TBX4: variants seen among roughly 807,000 people sequenced by gnomAD.
TBX4 encodes the protein T-box transcription factor 4.
A neutral mutation model predicts 54.6 loss-of-function variants in TBX4; 13 were observed. The observed-to-expected ratio is 0.24, with a 90% CI of 0.15 to 0.38. The LOEUF (loss-of-function observed/expected upper bound fraction) is 0.38, where lower values mean the gene tolerates loss of function less well. Ranked by LOEUF, TBX4 falls within the 10% of genes least tolerant of loss-of-function variation. The pLI is 1.00. For missense variants in TBX4, 631 were observed against 728.5 expected, an observed-to-expected ratio of 0.87 and a Z score of 1.54; for synonymous variants, 314 against 306.7, an observed-to-expected ratio of 1.02 and a Z score of -0.25.
rs2060644050 is a variant in TBX4, at chr17:61,479,125, G to GT, written c.702+346_702+347insT. Among the ~76,000 whole-genome samples, 1 of 152,156 alleles carries GT rather than the reference G, an allele frequency of 6.6e-6. No homozygotes were observed. Among genetic ancestry groups the GT allele is most frequent in the Admixed American group, 6.5e-5 (1 of 15,280 alleles). On this transcript the variant is annotated intron_variant, in intron 6 of 8. Transcript: ENST00000644296. The surrounding 1 kb of genome is among the most constrained non-coding windows in gnomAD (Gnocchi z 6.1). The stretch of plus-strand genomic sequence containing the variant: ...TGTTCTTTCTCCTGGTTCATCTCCT[G>GT]GTGCCTTCAGAGACAGGGGTAGGGA...
At chr17:61,470,304 G>C (rs545204142) in intron 5 of TBX4, among the ~76,000 whole-genome samples, 2 of 152,152 alleles carry the variant, frequency 1.3e-5, no homozygotes, top group Non-Finnish European at 2.9e-5. Context: ...TGTCGGGGAG[G>C]GGGTGTGGAA....
At chr17:61,477,851 G>A (rs1192015875) in intron 5 of TBX4, among the ~76,000 whole-genome samples, 3 of 148,066 alleles carry the variant, frequency 2.0e-5, no homozygotes, top group African/African-American at 7.5e-5. Context: ...TGAGGTACGA[G>A]AATCGCTTGA....
rs1197678227 is a variant in TBX4, at chr17:61,462,664, C to T, written c.282-3155C>T. 6.6e-6 allele frequency among the ~76,000 whole-genome samples: 1 copy of T among 152,194 alleles called. No homozygotes were observed. Among genetic ancestry groups the T allele is most frequent in the Non-Finnish European group, 1.5e-5 (1 of 68,012 alleles). Reference sequence around the variant, plus strand: ...CCGCCAGCGCTGGTGGCAGGGCCTGCGTGGACACAGGCGGCACACACAGTG... The same window carrying T: ...CCGCCAGCGCTGGTGGCAGGGCCTGTGTGGACACAGGCGGCACACACAGTG... On this transcript the variant is annotated intron_variant, in intron 3 of 8. Coordinates refer to ENST00000644296, the MANE Select transcript of TBX4 (RefSeq NM_001321120.2). The surrounding 1 kb of genome is among the most constrained non-coding windows in gnomAD (Gnocchi z 4.5).
Position 61,479,749 on chromosome 17 carries a change from T to C in TBX4, c.703-132T>C. ...CCACCCTCCTCCCCAAGGAGGGTAG[T>C]GAGAAGCGGTGAGGCTGGAGAGCGA... is the stretch of plus-strand genomic sequence containing the variant. On this transcript the variant is annotated intron_variant, in intron 6 of 8. Transcript: ENST00000644296. This position sits in a 1 kb window ranked among gnomAD's most constrained non-coding sequence, Gnocchi z 6.1. 1 of 914,400 alleles carries C rather than the reference T, an allele frequency of 1.1e-6. No individual in the cohort carries two copies. Among genetic ancestry groups the C allele is most frequent in the Non-Finnish European group, 1.8e-6 (1 of 559,016 alleles). 56.6% of individuals were successfully genotyped at this position (914,400 alleles called of 1,614,324 possible).
At chr17:61,453,485 TA>T (rs1417822382) in intron 1 of TBX4, among the ~76,000 whole-genome samples, 4 of 152,168 alleles carry the variant, frequency 2.6e-5, no homozygotes, top group Admixed American at 2.0e-4. Flanking sequence ...AATAGTAATA[TA>T]AATAAAGACA....
rs2060483397 is a variant in TBX4, at chr17:61,459,981, C to T, written c.281+2350C>T. On this transcript the variant is annotated intron_variant, in intron 3 of 8. Transcript: ENST00000644296. This position sits in a 1 kb window ranked among gnomAD's most constrained non-coding sequence, Gnocchi z 4.8. ...CTGTCCAGTGCCTCTCCCTGCTCCCCAAATTCTGTGTGCCTCTACTGGAAC... is the reference window on the plus strand; with the variant it reads ...CTGTCCAGTGCCTCTCCCTGCTCCCTAAATTCTGTGTGCCTCTACTGGAAC... Among the ~76,000 whole-genome samples the T allele has an allele frequency of 6.6e-6, 1 of 152,112 alleles. No homozygotes were observed. The highest frequency in any genetic ancestry group is 1.5e-5 in the Non-Finnish European group (1 of 68,024).
chr17:61,467,484 C>A, intron 4 of TBX4, 26 bp from the exon 5 acceptor site: 1 of 1,614,188 alleles, frequency 6.2e-7, no homozygotes, highest in East Asian at 2.2e-5. Flanking sequence ...GGAGTAATCA[C>A]CTGCTCTTAT....
Position 61,480,405 on chromosome 17 carries a change from C to A in TBX4, c.1021+86C>A, listed in dbSNP as rs903489958. On this transcript the variant is annotated intron_variant, in intron 8 of 8. Coordinates refer to ENST00000644296, the MANE Select transcript of TBX4 (RefSeq NM_001321120.2). This position sits in a 1 kb window ranked among gnomAD's most constrained non-coding sequence, Gnocchi z 6.2. ...AACCACTCTGCAGCGCCCCCCCCCC[C>A]AACACACACACACTCATCTCGTGCT... is the stretch of plus-strand genomic sequence containing the variant. 16 of 993,166 alleles carry A rather than the reference C, an allele frequency of 1.6e-5. No individual in the cohort carries two copies. Among genetic ancestry groups the A allele is most frequent in the Middle Eastern group, 2.9e-4 (1 of 3,468 alleles). 61.5% of individuals were successfully genotyped at this position (993,166 alleles called of 1,614,324 possible). A position where few individuals can be genotyped will look rare whatever the true frequency, so the allele number is the denominator to read the frequency against.
Position 61,475,054 on chromosome 17 carries a change from C to T in TBX4, c.550-3573C>T, listed in dbSNP as rs2060610173. Among the ~76,000 whole-genome samples, 1 of 152,348 alleles carries T rather than the reference C, an allele frequency of 6.6e-6. No homozygotes were observed. The highest frequency in any genetic ancestry group is 2.4e-5 in the African/African-American group (1 of 41,570). On this transcript the variant is annotated intron_variant, in intron 5 of 8. Transcript: ENST00000644296. This position sits in a 1 kb window ranked among gnomAD's most constrained non-coding sequence, Gnocchi z 5.0. ...CGCTGGTGAACAGAGATCATGACGG[C>T]GTCTGCACCCTTCTTGACTTCTCTA...
rs1454449043 is a variant in TBX4, at chr17:61,472,969, A to C, written c.549+5312A>C. On this transcript the variant is annotated intron_variant, in intron 5 of 8. Coordinates refer to ENST00000644296, the MANE Select transcript of TBX4 (RefSeq NM_001321120.2). This position sits in a 1 kb window ranked among gnomAD's most constrained non-coding sequence, Gnocchi z 4.5. ...TGGATAATAGGTTTTAGTGTTTGGC[A>C]GGACTGGGCCTCCTTGATCTTCTTC... 1.3e-5 allele frequency among the ~76,000 whole-genome samples: 2 copies of C among 152,196 alleles called. No individual in the cohort carries two copies. Among genetic ancestry groups the C allele is most frequent in the African/African-American group, 4.8e-5 (2 of 41,452 alleles).
At chr17:61,456,308 G>C in intron 1 of TBX4, 180 bp from the exon 2 acceptor site, 1 of 728,700 alleles carries the variant, frequency 1.4e-6, no homozygotes, top group Non-Finnish European at 2.4e-6. Context: ...CTGAAGGGAG[G>C]AGGCGAGGGA....
intron 1 of TBX4, 81 bp from the exon 2 acceptor site, chr17:61,456,407 C>CCGGAAT: frequency 1.4e-5 from 21 of 1,526,002 alleles, no homozygotes; most frequent in Non-Finnish European, 1.9e-5. Flanking sequence ...GCACGAAGTC[C>CCGGAAT]CGGAATCGGC....
rs948768423 is a variant in TBX4 at position 61,472,987 on chromosome 17, T to C, written c.549+5330T>C. ...GTTTGGCAGGACTGGGCCTCCTTGA[T>C]CTTCTTCAGAGTTTTCTTGGCTAGT... On this transcript the variant is annotated intron_variant, in intron 5 of 8. Transcript: ENST00000644296. This position sits in a 1 kb window ranked among gnomAD's most constrained non-coding sequence, Gnocchi z 4.5. 1.6e-4 allele frequency among the ~76,000 whole-genome samples: 24 copies of C among 152,222 alleles called. No individual in the cohort carries two copies. Among genetic ancestry groups the C allele is most frequent in the Admixed American group, 1.6e-3 (24 of 15,280 alleles).
At position 61,481,287 on chromosome 17, in the gene TBX4, A is replaced by G. The variant is rs1054847728; in HGVS notation, c.1021+968A>G. The G allele has an allele frequency of 6.6e-6, 1 of 152,236 alleles. No homozygotes were observed. The highest frequency in any genetic ancestry group is 1.5e-5 in the Non-Finnish European group (1 of 68,038). 9.4% of individuals were successfully genotyped at this position (152,236 alleles called of 1,614,324 possible). On this transcript the variant is annotated intron_variant, in intron 8 of 8. Coordinates refer to ENST00000644296, the MANE Select transcript of TBX4 (RefSeq NM_001321120.2). This position sits in a 1 kb window ranked among gnomAD's most constrained non-coding sequence, Gnocchi z 4.8. ...GAAATTAAAGTTTTAGTGTCCATAA[A>G]GTTTTATTGGAACACAGCCATACCC...
intron 1 of TBX4, among the ~76,000 whole-genome samples, chr17:61,454,364 G>T (rs1480312024): frequency 6.6e-6 from 1 of 152,284 alleles, no homozygotes; most frequent in Non-Finnish European, 1.5e-5. Flanking sequence ...AGACCCCATC[G>T]CAAAGGCAGC....
In TBX4 at chr17:61,461,031, G is replaced by A. The variant is rs912732682; in HGVS notation, c.281+3400G>A. On this transcript the variant is annotated intron_variant, in intron 3 of 8. Coordinates refer to ENST00000644296, the MANE Select transcript of TBX4 (RefSeq NM_001321120.2). The surrounding 1 kb of genome is among the most constrained non-coding windows in gnomAD (Gnocchi z 5.1). ...ATACAGAGCGTCAGAGCCCAGTGGC[G>A]TGGATGATAAGAGAAGTAAGGGTTG... Among the ~76,000 whole-genome samples the A allele has an allele frequency of 2.6e-5, 4 of 152,228 alleles. No individual in the cohort carries two copies. The highest frequency in any genetic ancestry group is 5.9e-5 in the Non-Finnish European group (4 of 68,048).
chr17:61,483,722 A>G lies in TBX4; in HGVS notation c.*206A>G, dbSNP rs1409731655. Reference sequence around the variant, plus strand: ...ATACAACTGAGGTCATGACAAGGAAAAAAAACACCACATTTATCTAAGAAG... The same window carrying G: ...ATACAACTGAGGTCATGACAAGGAAGAAAAACACCACATTTATCTAAGAAG... On this transcript the variant is annotated 3_prime_UTR_variant, in exon 9 of 9. Coordinates refer to ENST00000644296, the MANE Select transcript of TBX4 (RefSeq NM_001321120.2). The surrounding 1 kb of genome is among the most constrained non-coding windows in gnomAD (Gnocchi z 6.6). 3.1e-6 allele frequency: 2 copies of G among 655,148 alleles called. No homozygotes were observed. The highest frequency in any genetic ancestry group is 5.2e-6 in the Non-Finnish European group (2 of 386,058). 40.6% of individuals were successfully genotyped at this position (655,148 alleles called of 1,614,324 possible).
intron 1 of TBX4, among the ~76,000 whole-genome samples, chr17:61,454,364 G>A (rs1480312024): frequency 5.2e-5 from 8 of 152,402 alleles, no homozygotes; most frequent in African/African-American, 1.9e-4. Flanking sequence ...AGACCCCATC[G>A]CAAAGGCAGC....
chr17:61,460,079 T>A lies in TBX4; in HGVS notation c.281+2448T>A, dbSNP rs1241766639. The A allele has an allele frequency of 2.0e-5, 3 of 152,382 alleles. No homozygotes were observed. Among genetic ancestry groups the A allele is most frequent in the Non-Finnish European group, 4.4e-5 (3 of 68,222 alleles). The allele number at this position is 152,382 out of a possible 1,614,324, so 9.4% of individuals were successfully genotyped here. ...CTGGAATCATAGCTTCCTAGATGGCTAGAGCTGGAGGAGAACCAAGAGAAC... is the reference window on the plus strand; with the variant it reads ...CTGGAATCATAGCTTCCTAGATGGCAAGAGCTGGAGGAGAACCAAGAGAAC... On this transcript the variant is annotated intron_variant, in intron 3 of 8. Coordinates refer to ENST00000644296, the MANE Select transcript of TBX4 (RefSeq NM_001321120.2). This position sits in a 1 kb window ranked among gnomAD's most constrained non-coding sequence, Gnocchi z 4.4.
Sources: gnomAD v4.1 joint callset for allele counts (sites outside exome capture counted in the v4.1 genomes callset) on GRCh38, gnomAD v4.1.1 for gene constraint, Gnocchi (gnomAD v3.1) non-coding constraint, MANE v1.5 for transcripts, NCBI Gene and HGNC (gene_info 2026-07-23, HGNC 2026-07-21) for gene names.